Variants in SACM1L observed in about 807,000 individuals in gnomAD.
SACM1L encodes phosphatidylinositol-3-phosphatase SAC1.
A neutral mutation model predicts 89.5 loss-of-function variants in SACM1L; 32 were observed. The ratio of observed to expected loss-of-function variants is 0.36; its 90% CI spans 0.27 to 0.48. The LOEUF (loss-of-function observed/expected upper bound fraction) is 0.48. Among genes scored for constraint, SACM1L ranks in the 20% least tolerant of loss-of-function variants. The probability of loss-of-function intolerance (pLI) is 0.99; values close to 1 mark genes in which losing one functional copy is unlikely to be tolerated. For missense variants in SACM1L, 543 were observed against 708.5 expected (o/e 0.77, Z 2.65); for synonymous variants, 213 against 232.8 (o/e 0.92, Z 0.77).
intron 1 of SACM1L, among the ~76,000 whole-genome samples, chr3:45,693,671 CT>C (rs1458579682): frequency 6.6e-6 from 1 of 152,174 alleles, no homozygotes; most frequent in Non-Finnish European, 1.5e-5. Context: ...TCCATATGAC[CT>C]TTTTTTCTCT....
At position 45,722,863 on chromosome 3, in the gene SACM1L, T is replaced by C. The variant is rs769991650; in HGVS notation, c.766-6T>C. The C allele has an allele frequency of 6.2e-6, 10 of 1,604,612 alleles. No individual in the cohort carries two copies. In the African/African-American group the frequency reaches 1.3e-4, roughly 21 times the overall value. ...TTTCTTTTCACATTTCTCTCTTTTC[T>C]TTTAGACTCGAGGATCAATACCTGT... On this transcript the variant is annotated splice_region_variant and splice_polypyrimidine_tract_variant and intron_variant, in intron 9 of 19. Coordinates refer to ENST00000389061, the MANE Select transcript of SACM1L (RefSeq NM_014016.5).
chr3:45,743,601 A>T lies in SACM1L; in HGVS notation c.1696A>T (p.Ile566Phe), dbSNP rs765628077. The change falls in exon 20 of 20, where the codon ATC becomes TTC. Residue 566 changes from isoleucine (I) to phenylalanine (F), a missense_variant. Around this residue, in one of 2 missense-constraint regions of SACM1L, gnomAD observed 370 missense variants for 527.6 expected, o/e 0.70. Coordinates refer to ENST00000389061, the MANE Select transcript of SACM1L (RefSeq NM_014016.5). ...WGVASIGTFF[I>F]ILYNGKDFVD... ...AGTTGCAAGCATTGGAACATTTTTT[A>T]TCATTCTTTACAATGGCAAAGATTT... The T allele has an allele frequency of 6.2e-7, 1 of 1,614,122 alleles. No homozygotes were observed. Among genetic ancestry groups the T allele is most frequent in the Non-Finnish European group, 8.5e-7 (1 of 1,179,986 alleles).
intron 18 of SACM1L, among the ~76,000 whole-genome samples, chr3:45,739,256 G>A (rs1028452501): frequency 5.3e-5 from 8 of 152,116 alleles, no homozygotes; most frequent in African/African-American, 1.9e-4. Context: ...TGCAAGAGCC[G>A]CTCTGGATTT....
At position 45,699,727 on chromosome 3, in the gene SACM1L, G is replaced by A. The variant is rs7626709; in HGVS notation, c.33-3711G>A. Among the ~76,000 whole-genome samples, 82 of 151,984 alleles carry A rather than the reference G, an allele frequency of 5.4e-4. 1 individual carries two copies. Among genetic ancestry groups the A allele is most frequent in the Middle Eastern group, 3.4e-3 (1 of 294 alleles). On this transcript the variant is annotated intron_variant, in intron 1 of 19. Transcript: ENST00000389061. ...AGTAGAGACAGGGTTTCACTGTGTC[G>A]GCCAGGCTGGACTCAAACTTCTCAC... is the stretch of plus-strand genomic sequence containing the variant.
intron 2 of SACM1L, 31 bp downstream of exon 2, chr3:45,703,566 G>T: frequency 7.0e-7 from 1 of 1,432,464 alleles, no homozygotes; most frequent in Non-Finnish European, 9.8e-7. Context: ...GAAGTTTAGG[G>T]AGAAAGATTT....
chr3:45,696,971 T>C (rs2125681450), intron 1 of SACM1L, among the ~76,000 whole-genome samples: 1 of 152,338 alleles, frequency 6.6e-6, no homozygotes, highest in South Asian at 2.1e-4. Context: ...TAAGATTAAA[T>C]GCATTTGTAT....
At chr3:45,707,091 C>CTT in intron 4 of SACM1L, 184 bp downstream of exon 4, 2 of 449,858 alleles carry the variant, frequency 4.4e-6, no homozygotes, top group South Asian at 4.6e-5. Flanking sequence ...ATTTGTTGCT[C>CTT]TTGTTTTTTT....
Position 45,709,638 on chromosome 3 carries a change from C to G in SACM1L, c.474C>G (p.Leu158=), listed in dbSNP as rs1214876020. 3 of 1,612,318 alleles carry G rather than the reference C, an allele frequency of 1.9e-6. No individual in the cohort carries two copies. The highest frequency in any genetic ancestry group is 2.5e-6 in the Non-Finnish European group (3 of 1,179,384). ...GTCCTGAATTCCAAGAAATGAGTCT[C>G]TTGGAAAGGGTAAGCTTGATCTTCA... ...NTSPEFQEMS[L]LERADQRFVW... is the part of the protein sequence containing the mutation. The change falls in exon 5 of 20, where the codon CTC becomes CTG. Residue 158 remains leucine, a synonymous_variant. Coordinates refer to ENST00000389061, the MANE Select transcript of SACM1L (RefSeq NM_014016.5).
intron 6 of SACM1L, 135 bp from the exon 7 acceptor site, chr3:45,713,911 C>A (rs952779736): frequency 2.5e-6 from 1 of 395,350 alleles, no homozygotes; most frequent in Admixed American, 4.5e-5. Context: ...TTAGAGAAAT[C>A]TTTTAAAAAT....
intron 7 of SACM1L, 110 bp downstream of exon 7, chr3:45,714,189 A>G (rs1479489660): frequency 3.8e-6 from 2 of 527,146 alleles, no homozygotes; most frequent in East Asian, 7.3e-5. Flanking sequence ...GTATTTCAGA[A>G]TTAATATAAA....
intron 1 of SACM1L, among the ~76,000 whole-genome samples, chr3:45,692,498 T>C (rs1698019603): frequency 6.6e-6 from 1 of 152,060 alleles, no homozygotes. Flanking sequence ...TGATTTTTTC[T>C]GTTTTTCAGT....
chr3:45,739,042 A>C (rs940335542), intron 18 of SACM1L, among the ~76,000 whole-genome samples, 169 bp downstream of exon 18: 2 of 152,146 alleles, frequency 1.3e-5, no homozygotes, highest in East Asian at 3.8e-4. Flanking sequence ...GTAACTGTGG[A>C]GCATTTGTTT....
chr3:45,724,317 G>GTGTGTGTT (rs1158861144), intron 11 of SACM1L, among the ~76,000 whole-genome samples: 1 of 151,496 alleles, frequency 6.6e-6, no homozygotes, highest in African/African-American at 2.4e-5. Flanking sequence ...GTGTGTGTGT[G>GTGTGTGTT]TGTGTGTGTG....
At chr3:45,736,206 T>C (rs1283169015) in intron 14 of SACM1L, among the ~76,000 whole-genome samples, 1 of 152,180 alleles carries the variant, frequency 6.6e-6, no homozygotes, top group African/African-American at 2.4e-5. Context: ...AAGTAGCACC[T>C]CAAGATTGTT....
chr3:45,743,448 G>GT, intron 19 of SACM1L, 85 bp from the exon 20 acceptor site: 2 of 1,413,748 alleles, frequency 1.4e-6, no homozygotes, highest in East Asian at 4.7e-5. Flanking sequence ...AAACTTTAAT[G>GT]TTGCCAAAAT....
intron 1 of SACM1L, among the ~76,000 whole-genome samples, chr3:45,696,435 C>T (rs1263074733): frequency 6.6e-6 from 1 of 152,188 alleles, no homozygotes. Context: ...TGTGAGTATA[C>T]AAATACCTTT....
rs376544758 is a variant in SACM1L, at chr3:45,694,019, G to A, written c.32+4522G>A. On this transcript the variant is annotated intron_variant, in intron 1 of 19. Transcript: ENST00000389061. Reference sequence around the variant, plus strand: ...AGCTAAAATACCTTGGCAGTTCGGCGTAGGTGTCACATTTCCTTTGCAGGG... The same window carrying A: ...AGCTAAAATACCTTGGCAGTTCGGCATAGGTGTCACATTTCCTTTGCAGGG... Among the ~76,000 whole-genome samples, 8 of 152,284 alleles carry A rather than the reference G, an allele frequency of 5.3e-5. No homozygotes were observed. In the East Asian group the frequency reaches 5.8e-4, roughly 11 times the overall value.
At chr3:45,733,241 C>A (rs149548103) in intron 13 of SACM1L, among the ~76,000 whole-genome samples, 3 of 152,328 alleles carry the variant, frequency 2.0e-5, no homozygotes, top group African/African-American at 7.2e-5. Flanking sequence ...TTCAGATGAT[C>A]TCTCGAGACT....
intron 7 of SACM1L, among the ~76,000 whole-genome samples, chr3:45,714,557 C>G (rs371449507): frequency 2.6e-4 from 39 of 152,256 alleles, no homozygotes; most frequent in African/African-American, 9.1e-4. Context: ...GATGGCACCA[C>G]TGCACTCCAG....
Sources: gnomAD v4.1 joint callset for allele counts (sites outside exome capture counted in the v4.1 genomes callset) on GRCh38, gnomAD v4.1.1 for gene constraint, gnomAD v4.1.1 regional missense constraint, MANE v1.5 for transcripts, NCBI Gene and HGNC (gene_info 2026-07-23, HGNC 2026-07-21) for gene names.